ANKRD17: variants seen among roughly 807,000 people sequenced by gnomAD.
ANKRD17 encodes ankyrin repeat domain-containing protein 17.
Under a neutral mutation model 229.7 loss-of-function variants are expected in ANKRD17, and 19 were observed. That is an observed-to-expected ratio of 0.08 (90% confidence interval 0.06 to 0.12). ANKRD17 has a LOEUF of 0.12. Among genes scored for constraint, ANKRD17 ranks in the 10% least tolerant of loss-of-function variants. The pLI, the probability that ANKRD17 is intolerant of heterozygous loss-of-function variation, is 1.00. For missense variants in ANKRD17, 2,176 were observed against 3,176.8 expected, an observed-to-expected ratio of 0.68 and a Z score of 7.57; for synonymous variants, 1,112 against 1,146.1, an observed-to-expected ratio of 0.97 and a Z score of 0.60.
intron 16 of ANKRD17, among the ~76,000 whole-genome samples, chr4:73,133,545 A>G (rs1233704965): frequency 6.6e-6 from 1 of 151,378 alleles, no homozygotes; most frequent in African/African-American, 2.4e-5. Flanking sequence ...CATGCGCCAC[A>G]ATGCCCAGCT....
intron 1 of ANKRD17, among the ~76,000 whole-genome samples, chr4:73,253,496 T>C (rs2149288086): frequency 6.6e-6 from 1 of 152,336 alleles, no homozygotes; most frequent in Admixed American, 6.5e-5. Flanking sequence ...ATAACAATGT[T>C]ATAAGGTAGA....
Position 73,198,745 on chromosome 4 carries a change from T to C in ANKRD17, c.394-21212A>G, listed in dbSNP as rs1390730513. Reference sequence around the variant, plus strand: ...TCAAAATTATAAATATTCCTTTCACTGGACATCTGGCCCCCACCACAGATC... The same window carrying C: ...TCAAAATTATAAATATTCCTTTCACCGGACATCTGGCCCCCACCACAGATC... On this transcript the variant is annotated intron_variant, in intron 1 of 33. Coordinates refer to ENST00000358602, the MANE Select transcript of ANKRD17 (RefSeq NM_032217.5). Among the ~76,000 whole-genome samples, 6 of 152,300 alleles carry C rather than the reference T, an allele frequency of 3.9e-5. No homozygotes were observed. In the East Asian group the frequency reaches 9.7e-4, roughly 25 times the overall value.
intron 2 of ANKRD17, chr4:73,169,011 A>G (rs935469898): frequency 1.3e-5 from 2 of 152,160 alleles, no homozygotes; most frequent in Non-Finnish European, 2.9e-5. Context: ...GCTCCCACTT[A>G]TAAGTAATAA....
chr4:73,093,942 C>T (rs973481031), intron 28 of ANKRD17, 137 bp downstream of exon 28: 8 of 816,976 alleles, frequency 9.8e-6, no homozygotes, highest in Admixed American at 5.7e-5. Flanking sequence ...AATTTATCTT[C>T]TCAAACACTA....
At chr4:73,169,670 A>G (rs1012657279) in intron 2 of ANKRD17, among the ~76,000 whole-genome samples, 2 of 152,202 alleles carry the variant, frequency 1.3e-5, no homozygotes, top group African/African-American at 4.8e-5. Flanking sequence ...TAGGCATTAA[A>G]GAGGGTAGAA....
intron 16 of ANKRD17, among the ~76,000 whole-genome samples, chr4:73,128,551 A>C (rs1727776315): frequency 6.6e-6 from 1 of 152,216 alleles, no homozygotes; most frequent in African/African-American, 2.4e-5. Flanking sequence ...ATAAAACATA[A>C]ATTCAACTGA....
intron 1 of ANKRD17, among the ~76,000 whole-genome samples, chr4:73,202,318 T>TAAAA (rs10533861): frequency 4.6e-5 from 1 of 21,902 alleles, no homozygotes; most frequent in Admixed American, 8.7e-4. Flanking sequence ...GGAACAGGAT[T>TAAAA]AAAAAAAAAA....
intron 31 of ANKRD17, among the ~76,000 whole-genome samples, chr4:73,078,194 C>T (rs1050636062): frequency 5.3e-5 from 8 of 152,004 alleles, no homozygotes; most frequent in South Asian, 2.1e-4. Context: ...CTGGCTAACA[C>T]GGTGAAACCC....
At chr4:73,198,069 CTAAAAACTTTT>C (rs967476250) in intron 1 of ANKRD17, among the ~76,000 whole-genome samples, 10 of 152,064 alleles carry the variant, frequency 6.6e-5, no homozygotes, top group Non-Finnish European at 1.2e-4. Context: ...TACATACAAT[CTAAAAACTTTT>C]TAAAAAAATT....
intron 30 of ANKRD17, among the ~76,000 whole-genome samples, chr4:73,083,981 C>T (rs954063659): frequency 5.3e-5 from 8 of 151,138 alleles, no homozygotes; most frequent in Non-Finnish European, 1.2e-4. Flanking sequence ...ACTATAACTT[C>T]CTTAAGGGAT....
At position 73,097,219 on chromosome 4, in the gene ANKRD17, T is replaced by A; in HGVS notation, c.5075A>T (p.Lys1692Ile). The A allele has an allele frequency of 6.2e-7, 1 of 1,609,770 alleles. No individual in the cohort carries two copies. The highest frequency in any genetic ancestry group is 1.1e-5 in the South Asian group (1 of 90,168). ...GTSNSLSTCT[K>I]SGPSPLSSPN... The stretch of plus-strand genomic sequence containing the variant: ...AGAAGAAAGGGGAGATGGACCAGAT[T>A]TTGTACAAGTAGATAGAGAATTACT... The change falls in exon 27 of 34, where the codon AAA becomes ATA. Residue 1692 changes from lysine to isoleucine, a missense_variant. Lys to Ile is a moderately radical substitution (Grantham distance 102). Coordinates refer to ENST00000358602, the MANE Select transcript of ANKRD17 (RefSeq NM_032217.5).
chr4:73,223,031 T>G, intron 1 of ANKRD17: 1 of 1,536,168 alleles, frequency 6.5e-7, no homozygotes, highest in Non-Finnish European at 8.7e-7. Context: ...CCACCATGTT[T>G]TATCAAACTG....
intron 16 of ANKRD17, among the ~76,000 whole-genome samples, chr4:73,129,813 A>G (rs1727953364): frequency 6.8e-6 from 1 of 146,262 alleles, no homozygotes; most frequent in Non-Finnish European, 1.5e-5. Context: ...CGCCAAGGCT[A>G]GAGTGCAGTG....
chr4:73,145,217 T>C (rs759678607), intron 10 of ANKRD17, among the ~76,000 whole-genome samples: 2 of 152,198 alleles, frequency 1.3e-5, no homozygotes, highest in Non-Finnish European at 2.9e-5. Flanking sequence ...ATCAATATAA[T>C]GAGCATTATC....
chr4:73,159,894 A>G (rs1264879765), intron 3 of ANKRD17, among the ~76,000 whole-genome samples: 1 of 152,190 alleles, frequency 6.6e-6, no homozygotes, highest in African/African-American at 2.4e-5. Flanking sequence ...ATGAATGAAC[A>G]CTAATAAAGA....
chr4:73,142,139 C>A, intron 13 of ANKRD17, 103 bp downstream of exon 13: 1 of 1,191,830 alleles, frequency 8.4e-7, no homozygotes, highest in Non-Finnish European at 1.1e-6. Flanking sequence ...AACAGAACTA[C>A]ATATTAGAAC....
intron 1 of ANKRD17, among the ~76,000 whole-genome samples, chr4:73,231,941 C>T (rs980794412): frequency 1.2e-4 from 18 of 152,312 alleles, no homozygotes; most frequent in Admixed American, 7.8e-4. Flanking sequence ...GGGTGGCACG[C>T]CCAGAGAGGG....
At chr4:73,254,993 GT>G (rs1745335385) in intron 1 of ANKRD17, among the ~76,000 whole-genome samples, 1 of 152,090 alleles carries the variant, frequency 6.6e-6, no homozygotes, top group Non-Finnish European at 1.5e-5. Context: ...ATATTGGTCA[GT>G]CACTCACTGA....
chr4:73,091,726 T>A lies in ANKRD17; in HGVS notation c.5902A>T (p.Ser1968Cys). Residue 1968 changes from serine to cysteine, a missense_variant, in exon 29 of 34, where the codon AGC becomes TGC. Physicochemically the swap from Ser to Cys is moderately radical, Grantham distance 112 (BLOSUM62 -1). Transcript: ENST00000358602. ...GATGAACTGGTTGTAGTTGTTGGGC[T>A]TGAAGTTAAAGAACCTGCTGAATTC... is the stretch of plus-strand genomic sequence containing the variant. ...QVNSAGSLTS[S>C]PTTTTSSSAS... 6.2e-7 allele frequency: 1 copy of A among 1,614,196 alleles called. No homozygotes were observed. The highest frequency in any genetic ancestry group is 8.5e-7 in the Non-Finnish European group (1 of 1,180,036).
Sources: allele counts gnomAD v4.1 joint callset (sites outside exome capture counted in the v4.1 genomes callset), GRCh38; gene constraint gnomAD v4.1.1; transcripts MANE v1.5; gene names NCBI Gene and HGNC (gene_info 2026-07-23, HGNC 2026-07-21).